The following BTAF1 variants were observed in gnomAD, a reference collection of about 807,000 sequenced individuals.
The protein encoded by BTAF1 is B-TFIID TATA-box binding protein associated factor 1, also known as TATA-binding protein-associated factor 172.
Under a neutral mutation model 227.1 loss-of-function variants are expected in BTAF1, and 38 were observed. The observed-to-expected ratio is 0.17, with a 90% confidence interval of 0.13 to 0.22. The LOEUF is 0.22. Ranked by LOEUF, BTAF1 falls within the 10% of genes least tolerant of loss-of-function variation. The pLI is 1.00. For missense variants in BTAF1, 1,598 were observed against 2,204.0 expected (o/e 0.73, Z 5.51); for synonymous variants, 742 against 751.9 (o/e 0.99, Z 0.21).
At chr10:91,970,440 C>T (rs1440125138) in intron 14 of BTAF1, among the ~76,000 whole-genome samples, 1 of 152,156 alleles carries the variant, frequency 6.6e-6, no homozygotes, top group Non-Finnish European at 1.5e-5. Flanking sequence ...GCCTCACAAT[C>T]ATGGTGGAAG....
intron 25 of BTAF1, among the ~76,000 whole-genome samples, chr10:92,000,914 G>A (rs1188387735): frequency 1.3e-5 from 2 of 152,124 alleles, no homozygotes; most frequent in East Asian, 1.9e-4. Flanking sequence ...TTGAACTTTA[G>A]GTATTGAGAA....
chr10:91,950,148 TGGG>T (rs368819509), intron 4 of BTAF1, among the ~76,000 whole-genome samples: 3 of 24,380 alleles, frequency 1.2e-4, no homozygotes, highest in African/African-American at 2.1e-4. Flanking sequence ...TTGTCCTTTG[TGGG>T]GGGGGGCGGG....
At chr10:91,957,524 A>G (rs1211962329) in intron 8 of BTAF1, among the ~76,000 whole-genome samples, 3 of 152,228 alleles carry the variant, frequency 2.0e-5, no homozygotes, top group Non-Finnish European at 4.4e-5. Context: ...TCTTTAAATT[A>G]TAATCCAAAG....
At position 91,983,942 on chromosome 10, in the gene BTAF1, C is replaced by T. The variant is rs1450235585; in HGVS notation, c.2224-259C>T. Reference sequence around the variant, plus strand: ...CTTTAAAATCTGTGATATATATACACGTGTAAACTTTGGATAGGTAGAAAA... The same window carrying T: ...CTTTAAAATCTGTGATATATATACATGTGTAAACTTTGGATAGGTAGAAAA... On this transcript the variant is annotated intron_variant, in intron 18 of 37. Transcript: ENST00000265990. 2.7e-5 allele frequency among the ~76,000 whole-genome samples: 4 copies of T among 150,538 alleles called. 1 individual carries two copies. Among genetic ancestry groups the T allele is most frequent in the African/African-American group, 7.3e-5 (3 of 40,892 alleles).
chr10:91,940,904 G>A (rs903462640), intron 3 of BTAF1, among the ~76,000 whole-genome samples: 4 of 151,840 alleles, frequency 2.6e-5, no homozygotes, highest in Non-Finnish European at 4.4e-5. Context: ...GGCTCGGGGG[G>A]GTGGGGTTTG....
intron 37 of BTAF1, 126 bp from the exon 38 acceptor site, chr10:92,028,664 C>T: frequency 1.1e-6 from 1 of 878,354 alleles, no homozygotes; most frequent in Non-Finnish European, 1.7e-6. Flanking sequence ...TGAATTTCCC[C>T]ATCACTTGAA....
At chr10:91,994,724 C>A in intron 23 of BTAF1, 80 bp downstream of exon 23, 1 of 1,198,886 alleles carries the variant, frequency 8.3e-7, no homozygotes, top group Non-Finnish European at 1.2e-6. Flanking sequence ...TTGAAAGGTA[C>A]AGCTTTGATG....
chr10:92,010,649 T>G (rs1388951799), intron 28 of BTAF1, among the ~76,000 whole-genome samples: 4 of 152,180 alleles, frequency 2.6e-5, no homozygotes, highest in Non-Finnish European at 5.9e-5. Flanking sequence ...CTGACTGGCC[T>G]TGTTTGGGTC....
intron 14 of BTAF1, among the ~76,000 whole-genome samples, chr10:91,978,148 C>T (rs886202924): frequency 6.6e-6 from 1 of 152,278 alleles, no homozygotes; most frequent in African/African-American, 2.4e-5. Flanking sequence ...CCCTAAAAAT[C>T]CTGTGTTCTA....
chr10:91,953,061 A>G (rs920980686), intron 5 of BTAF1, among the ~76,000 whole-genome samples: 23 of 152,200 alleles, frequency 1.5e-4, no homozygotes, highest in African/African-American at 5.3e-4. Flanking sequence ...TTACAGCTGC[A>G]TTGCTTATAT....
chr10:91,927,112 G>A (rs1843898516), intron 1 of BTAF1, among the ~76,000 whole-genome samples: 1 of 150,052 alleles, frequency 6.7e-6, no homozygotes, highest in African/African-American at 2.5e-5. Context: ...GGTATGGCTA[G>A]TTCTGACCTT....
At chr10:91,965,836 C>T (rs1846871099) in intron 13 of BTAF1, among the ~76,000 whole-genome samples, 1 of 152,230 alleles carries the variant, frequency 6.6e-6, no homozygotes, top group South Asian at 2.1e-4. Flanking sequence ...AGTGTTCATA[C>T]AAACCTGCAA....
chr10:91,962,752 A>G, intron 12 of BTAF1, 74 bp downstream of exon 12: 1 of 1,342,044 alleles, frequency 7.5e-7, no homozygotes, highest in Non-Finnish European at 1.0e-6. Flanking sequence ...TAGAAAATAC[A>G]TTGTGTACAT....
At chr10:91,962,786 T>C in intron 12 of BTAF1, 108 bp downstream of exon 12, 1 of 1,067,544 alleles carries the variant, frequency 9.4e-7, no homozygotes, top group South Asian at 2.0e-5. Flanking sequence ...CTTCAATTTT[T>C]TTTTTTAACA....
intron 17 of BTAF1, 40 bp downstream of exon 17, chr10:91,982,265 A>G: frequency 3.7e-6 from 6 of 1,612,962 alleles, no homozygotes; most frequent in Non-Finnish European, 5.1e-6. Flanking sequence ...TACATTTACA[A>G]GTCTGGCTTT....
In BTAF1 at chr10:91,994,687, A is replaced by G. The variant is rs564557077; in HGVS notation, c.3309+43A>G. The stretch of plus-strand genomic sequence containing the variant: ...GTGTAATATTTCTTCAAATAAAACA[A>G]GTGGTCTTATTAAAAAGTCTTAAGG... On this transcript the variant is annotated intron_variant, in intron 23 of 37. Transcript: ENST00000265990. 22 of 1,506,296 alleles carry G rather than the reference A, an allele frequency of 1.5e-5. No individual in the cohort carries two copies. The South Asian group carries it at 1.5e-4, about 10-fold the overall frequency. 93.3% of individuals were successfully genotyped at this position (1,506,296 alleles called of 1,614,324 possible). A position where few individuals can be genotyped will look rare whatever the true frequency, so the allele number is the denominator to read the frequency against.
chr10:91,930,928 A>G (rs1046944148), intron 1 of BTAF1, among the ~76,000 whole-genome samples: 1 of 152,220 alleles, frequency 6.6e-6, no homozygotes, highest in Non-Finnish European at 1.5e-5. Flanking sequence ...TTCCTAATTT[A>G]TCAGAGAGGT....
intron 25 of BTAF1, among the ~76,000 whole-genome samples, chr10:92,001,486 A>G (rs980880398): frequency 6.6e-6 from 1 of 152,174 alleles, no homozygotes; most frequent in African/African-American, 2.4e-5. Flanking sequence ...TACCATACTG[A>G]GCATCAAGTC....
intron 1 of BTAF1, among the ~76,000 whole-genome samples, chr10:91,925,151 G>A (rs1341073305): frequency 6.6e-6 from 1 of 152,172 alleles, no homozygotes; most frequent in Admixed American, 6.5e-5. Flanking sequence ...TGGGAGTTGG[G>A]TGAAGGGGGT....
Sources: allele counts gnomAD v4.1 joint callset (sites outside exome capture counted in the v4.1 genomes callset), GRCh38; gene constraint gnomAD v4.1.1; transcripts MANE v1.5; gene names NCBI Gene and HGNC (gene_info 2026-07-23, HGNC 2026-07-21).